The following ANK1 variants were observed in gnomAD, a reference collection of about 807,000 sequenced individuals.
ANK1 encodes the protein ankyrin-1.
Under a neutral mutation model 210.4 loss-of-function variants are expected in ANK1, and 51 were observed. The observed-to-expected ratio is 0.24, with a 90% CI of 0.19 to 0.31. The LOEUF (loss-of-function observed/expected upper bound fraction) is 0.31. ANK1 is among the 10% of genes least tolerant of loss of function. The probability of loss-of-function intolerance (pLI) is 1.00; values close to 1 mark genes in which losing one functional copy is unlikely to be tolerated. For missense variants in ANK1, 2,051 were observed against 2,504.4 expected (o/e 0.82, Z 3.86); for synonymous variants, 967 against 1,025.9 (o/e 0.94, Z 1.10).
intron 39 of ANK1, chr8:41,664,937 G>A (rs1285784618): frequency 6.8e-6 from 11 of 1,614,136 alleles, no homozygotes; most frequent in East Asian, 2.2e-5. Context: ...GGGACCCCCT[G>A]ACAATGTGCA....
At chr8:41,840,516 G>A (rs1440350960) in intron 1 of ANK1, among the ~76,000 whole-genome samples, 1 of 152,234 alleles carries the variant, frequency 6.6e-6, no homozygotes, top group Non-Finnish European at 1.5e-5. Context: ...AGTTCAGGGG[G>A]ATGGACGTCA....
At chr8:41,807,979 G>T (rs1276263972) in intron 1 of ANK1, among the ~76,000 whole-genome samples, 1 of 151,764 alleles carries the variant, frequency 6.6e-6, no homozygotes, top group Non-Finnish European at 1.5e-5. Context: ...GGAGGAGGAG[G>T]AGGAAGAAGA....
chr8:41,848,151 C>G (rs1434273994), intron 1 of ANK1, among the ~76,000 whole-genome samples: 1 of 151,318 alleles, frequency 6.6e-6, no homozygotes, highest in Non-Finnish European at 1.5e-5. Flanking sequence ...TGCCACTGCA[C>G]TCCAGCCTGG....
chr8:41,785,912 G>T (rs570140715), intron 1 of ANK1, among the ~76,000 whole-genome samples: 1 of 152,162 alleles, frequency 6.6e-6, no homozygotes, highest in African/African-American at 2.4e-5. Context: ...CATGCTTTCC[G>T]CACTGTCGGG....
chr8:41,755,305 A>G (rs13272958), intron 2 of ANK1, among the ~76,000 whole-genome samples: 15,317 of 152,320 alleles, frequency 0.1, 912 homozygotes, highest in South Asian at 0.15. Context: ...CAATCAGGAC[A>G]CAGCTATTCC....
At position 41,694,198 on chromosome 8, in the gene ANK1, G is replaced by T. The variant is rs976214654; in HGVS notation, c.3328-96C>A. The stretch of plus-strand genomic sequence containing the variant: ...ATGCCTGGTGAGAGTGGCCGTCAGT[G>T]CACGGGGTCCCGCCCTGCTGTTGGA... On this transcript the variant is annotated intron_variant, in intron 28 of 42. Coordinates refer to ENST00000289734, the MANE Select transcript of ANK1 (RefSeq NM_000037.4). This position sits in a 1 kb window ranked among gnomAD's most constrained non-coding sequence, Gnocchi z 5.7. 7.5e-7 allele frequency: 1 copy of T among 1,339,406 alleles called. No individual in the cohort carries two copies. Among genetic ancestry groups the T allele is most frequent in the Non-Finnish European group, 1.0e-6 (1 of 964,544 alleles). 83.0% of individuals were successfully genotyped at this position (1,339,406 alleles called of 1,614,324 possible).
chr8:41,848,847 C>T (rs1251266960), intron 1 of ANK1, among the ~76,000 whole-genome samples: 1 of 152,130 alleles, frequency 6.6e-6, no homozygotes, highest in African/African-American at 2.4e-5. Flanking sequence ...GTAGGTGGCC[C>T]CAGGCTGCAC....
chr8:41,664,783 C>T (rs774737206), intron 39 of ANK1: 37 of 1,586,280 alleles, frequency 2.3e-5, no homozygotes, highest in East Asian at 1.2e-4. Flanking sequence ...CCAGCCCTGC[C>T]GGCCTCCTGC....
intron 37 of ANK1, among the ~76,000 whole-genome samples, chr8:41,681,236 G>C (rs1030891992): frequency 1.3e-5 from 2 of 152,234 alleles, no homozygotes; most frequent in Non-Finnish European, 2.9e-5. Context: ...GTAGACATTA[G>C]TTTGTGTCTG....
At chr8:41,779,206 T>C (rs1447254069) in intron 1 of ANK1, among the ~76,000 whole-genome samples, 1 of 152,092 alleles carries the variant, frequency 6.6e-6, no homozygotes, top group Non-Finnish European at 1.5e-5. Flanking sequence ...CCCTGAGACA[T>C]GCCCCTTGCT....
chr8:41,772,145 G>A (rs1429946936), intron 1 of ANK1, among the ~76,000 whole-genome samples: 3 of 152,140 alleles, frequency 2.0e-5, no homozygotes, highest in Non-Finnish European at 4.4e-5. Context: ...TGACCGTCGC[G>A]CTTAACCCTC....
Position 41,749,437 on chromosome 8 carries a change from G to A in ANK1, c.129+8599C>T, listed in dbSNP as rs189549603. 3.8e-3 allele frequency among the ~76,000 whole-genome samples: 572 copies of A among 151,052 alleles called. 3 individuals carry two copies. Among genetic ancestry groups the A allele is most frequent in the African/African-American group, 0.013 (527 of 41,144 alleles). ...CTCAGACTACCAAGTAGCTAGGACT[G>A]TAGGCACCCACCACCATGCCCGACT... On this transcript the variant is annotated intron_variant, in intron 2 of 42. Transcript: ENST00000289734.
chr8:41,841,405 C>T (rs776399002), intron 1 of ANK1, among the ~76,000 whole-genome samples: 1 of 152,208 alleles, frequency 6.6e-6, no homozygotes, highest in Non-Finnish European at 1.5e-5. Context: ...GGATTTGCTG[C>T]TCAATGGGCG....
intron 1 of ANK1, among the ~76,000 whole-genome samples, chr8:41,779,572 G>A (rs1844838557): frequency 6.6e-6 from 1 of 152,012 alleles, no homozygotes; most frequent in African/African-American, 2.4e-5. Context: ...GATGCCCATG[G>A]GACAAGCAGT....
At chr8:41,767,021 C>A (rs1412180918) in intron 1 of ANK1, among the ~76,000 whole-genome samples, 2 of 152,130 alleles carry the variant, frequency 1.3e-5, no homozygotes, top group African/African-American at 2.4e-5. Context: ...CCTCGGGGCA[C>A]CCCGGCGGCG....
chr8:41,869,605 G>A (rs1241710495), intron 1 of ANK1, among the ~76,000 whole-genome samples: 9 of 152,186 alleles, frequency 5.9e-5, no homozygotes, highest in Admixed American at 5.2e-4. Flanking sequence ...AGGAAAACCT[G>A]GGCCTTGAAC....
Position 41,797,609 on chromosome 8 carries a change from T to A in ANK1, c.-71A>T. The A allele has an allele frequency of 6.2e-7, 1 of 1,603,932 alleles. No homozygotes were observed. The highest frequency in any genetic ancestry group is 1.1e-5 in the South Asian group (1 of 89,652). ...GGAGGAGCAGCTGGGGCTGGCGGACTCACCGCAGCCTCTGCGGGGCCTGTG... is the reference window on the plus strand; with the variant it reads ...GGAGGAGCAGCTGGGGCTGGCGGACACACCGCAGCCTCTGCGGGGCCTGTG... On this transcript the variant is annotated 5_prime_UTR_variant, in exon 1 of 43. Coordinates refer to ENST00000289734, the MANE Select transcript of ANK1 (RefSeq NM_000037.4). This position sits in a 1 kb window ranked among gnomAD's most constrained non-coding sequence, Gnocchi z 4.0.
At chr8:41,834,786 G>A (rs994563581) in intron 1 of ANK1, among the ~76,000 whole-genome samples, 1 of 152,380 alleles carries the variant, frequency 6.6e-6, no homozygotes, top group East Asian at 1.9e-4. Context: ...GCTCAGCATC[G>A]CTGTCTGTCC....
chr8:41,795,274 A>T (rs1374109680), intron 1 of ANK1, among the ~76,000 whole-genome samples: 1 of 151,936 alleles, frequency 6.6e-6, no homozygotes, highest in Non-Finnish European at 1.5e-5. Flanking sequence ...GCACTTTGGG[A>T]GGCTGAAGCG....
Sources: allele counts gnomAD v4.1 joint callset (sites outside exome capture counted in the v4.1 genomes callset), GRCh38; gene constraint gnomAD v4.1.1; non-coding constraint Gnocchi (gnomAD v3.1); transcripts MANE v1.5; gene names NCBI Gene and HGNC (gene_info 2026-07-23, HGNC 2026-07-21).